Variants in ARMC9 observed in about 807,000 individuals in gnomAD.
ARMC9 encodes lisH domain-containing protein ARMC9.
Under a neutral mutation model 107.0 loss-of-function variants are expected in ARMC9, and 94 were observed. That is an observed-to-expected ratio of 0.88 (90% CI 0.74 to 1.04). The LOEUF is 1.04. Among genes scored for constraint, ARMC9 ranks in the 50% least tolerant of loss-of-function variants. ARMC9 has a pLI of 0.00. For synonymous variants in ARMC9, 380 were observed against 396.9 expected, an observed-to-expected ratio of 0.96 and a Z score of 0.51; for missense variants, 942 against 1,030.1, an observed-to-expected ratio of 0.91 and a Z score of 1.17.
intron 12 of ARMC9, among the ~76,000 whole-genome samples, chr2:231,264,321 G>C (rs2038654425): frequency 6.6e-6 from 1 of 151,922 alleles, no homozygotes. Flanking sequence ...TGGGATTACA[G>C]GCGCCCGCCA....
At chr2:231,306,149 T>A (rs1455483852) in intron 19 of ARMC9, among the ~76,000 whole-genome samples, 8 of 152,262 alleles carry the variant, frequency 5.3e-5, no homozygotes, top group Non-Finnish European at 1.0e-4. Flanking sequence ...TTCTTTGGAA[T>A]AGATTCCTCC....
At chr2:231,324,401 T>C (rs1390584931) in intron 19 of ARMC9, among the ~76,000 whole-genome samples, 12 of 149,850 alleles carry the variant, frequency 8.0e-5, no homozygotes, top group Admixed American at 4.0e-4. Context: ...GCTGGGATTA[T>C]AGGCCACGCG....
At chr2:231,206,088 T>C in intron 1 of ARMC9, 110 bp from the exon 2 acceptor site, 1 of 701,114 alleles carries the variant, frequency 1.4e-6, no homozygotes, top group Non-Finnish European at 2.5e-6. Flanking sequence ...GTTCTGGGGA[T>C]TGGCGCATGG....
intron 9 of ARMC9, among the ~76,000 whole-genome samples, chr2:231,249,071 T>C (rs1045003533): frequency 2.6e-5 from 4 of 152,162 alleles, no homozygotes; most frequent in African/African-American, 9.6e-5. Flanking sequence ...TTGGCAGAAA[T>C]GGCCTCATCT....
chr2:231,327,638 T>G (rs1279106582), intron 19 of ARMC9, among the ~76,000 whole-genome samples: 1 of 152,256 alleles, frequency 6.6e-6, no homozygotes, highest in Non-Finnish European at 1.5e-5. Context: ...CCATGAAACA[T>G]TCATATACAG....
At chr2:231,287,002 T>G (rs2040640702) in intron 17 of ARMC9, among the ~76,000 whole-genome samples, 1 of 152,210 alleles carries the variant, frequency 6.6e-6, no homozygotes, top group Non-Finnish European at 1.5e-5. Context: ...GGAGTCATAG[T>G]CAGCCATGGG....
chr2:231,212,616 A>G (rs1306031774), intron 3 of ARMC9, among the ~76,000 whole-genome samples: 1 of 152,190 alleles, frequency 6.6e-6, no homozygotes, highest in African/African-American at 2.4e-5. Context: ...TTTGCTTGGG[A>G]CCTTGGCAGA....
At chr2:231,277,522 T>C (rs898912107) in intron 15 of ARMC9, among the ~76,000 whole-genome samples, 8 of 150,502 alleles carry the variant, frequency 5.3e-5, no homozygotes, top group African/African-American at 2.0e-4. Flanking sequence ...ATGACTGTTA[T>C]TTCAGTCATT....
chr2:231,210,093 G>A (rs932162098), intron 3 of ARMC9, among the ~76,000 whole-genome samples: 1 of 152,236 alleles, frequency 6.6e-6, no homozygotes, highest in African/African-American at 2.4e-5. Flanking sequence ...ATTCACTGCT[G>A]GTTTTCTCCT....
At chr2:231,247,936 A>T (rs1461832220) in intron 9 of ARMC9, among the ~76,000 whole-genome samples, 4 of 152,222 alleles carry the variant, frequency 2.6e-5, no homozygotes, top group Non-Finnish European at 4.4e-5. Flanking sequence ...GTCTCAAAAA[A>T]TAAAGCACCT....
At chr2:231,275,576 A>T (rs2039685500) in intron 14 of ARMC9, among the ~76,000 whole-genome samples, 1 of 152,238 alleles carries the variant, frequency 6.6e-6, no homozygotes, top group African/African-American at 2.4e-5. Flanking sequence ...AGTGATGTTA[A>T]GCTAGGCTTT....
chr2:231,338,243 C>T lies in ARMC9; in HGVS notation c.1878+6346C>T, dbSNP rs77252400. 3.0e-4 allele frequency among the ~76,000 whole-genome samples: 44 copies of T among 144,336 alleles called. No homozygotes were observed. In the Admixed American group the frequency reaches 3.1e-3, roughly 10 times the overall value. 94.7% of individuals were successfully genotyped at this position (144,336 alleles called of 152,430 possible). On this transcript the variant is annotated intron_variant, in intron 20 of 24. Transcript: ENST00000611582. ...TCACTTTTTTTTTTTTTTTTTAAAA[C>T]AGTCTTGCTCTGCTGCCCAGGCTGG...
At chr2:231,257,107 G>A (rs547513198) in intron 10 of ARMC9, among the ~76,000 whole-genome samples, 2 of 152,192 alleles carry the variant, frequency 1.3e-5, no homozygotes, top group Non-Finnish European at 2.9e-5. Flanking sequence ...GAGCCACCGC[G>A]CCTGGCCATC....
intron 17 of ARMC9, among the ~76,000 whole-genome samples, chr2:231,284,592 C>G (rs2125457939): frequency 6.6e-6 from 1 of 152,294 alleles, no homozygotes; most frequent in Admixed American, 6.5e-5. Flanking sequence ...CAGTTGGCTT[C>G]CCCTAGAATG....
rs545208342 is a variant in ARMC9, at chr2:231,221,469, A to G, written c.505-1259A>G. Among the ~76,000 whole-genome samples, 3 of 152,274 alleles carry G rather than the reference A, an allele frequency of 2.0e-5. No homozygotes were observed. The South Asian group carries it at 6.2e-4, about 32-fold the overall frequency. ...TTGAGGGAACACAGTTCAATCCATAATAACACACACCTTATAAACAAAGTT... is the reference window on the plus strand; with the variant it reads ...TTGAGGGAACACAGTTCAATCCATAGTAACACACACCTTATAAACAAAGTT... On this transcript the variant is annotated intron_variant, in intron 5 of 24. Transcript: ENST00000611582.
intron 5 of ARMC9, 112 bp from the exon 6 acceptor site, chr2:231,222,616 G>A: frequency 3.7e-6 from 2 of 539,722 alleles, no homozygotes; most frequent in Non-Finnish European, 3.3e-6. Flanking sequence ...CTGGCATTTT[G>A]GTTTTGGTTT....
At chr2:231,213,148 T>C (rs1043635822) in intron 3 of ARMC9, among the ~76,000 whole-genome samples, 1 of 151,350 alleles carries the variant, frequency 6.6e-6, no homozygotes, top group African/African-American at 2.4e-5. Flanking sequence ...AGGAAAATTA[T>C]CTGTAAACGT....
intron 19 of ARMC9, among the ~76,000 whole-genome samples, chr2:231,326,647 C>T (rs1027423195): frequency 1.1e-4 from 17 of 152,098 alleles, no homozygotes; most frequent in African/African-American, 2.9e-4. Context: ...CTTCCCCCAG[C>T]GCAGCCCTAG....
chr2:231,359,967 A>AGGAG (rs955921195), intron 22 of ARMC9, among the ~76,000 whole-genome samples: 1 of 152,180 alleles, frequency 6.6e-6, no homozygotes, highest in Non-Finnish European at 1.5e-5. Context: ...AAGAGCTGAG[A>AGGAG]GGAGCTTGGC....
Sources: gnomAD v4.1 joint callset for allele counts (sites outside exome capture counted in the v4.1 genomes callset) on GRCh38, gnomAD v4.1.1 for gene constraint, MANE v1.5 for transcripts, NCBI Gene and HGNC (gene_info 2026-07-23, HGNC 2026-07-21) for gene names.